Variants in LIMCH1 observed in about 807,000 individuals in gnomAD.
LIMCH1 encodes LIM and calponin homology domains-containing protein 1.
In LIMCH1, 113 loss-of-function variants were observed where a neutral mutation model predicts 176.5. The ratio of observed to expected loss-of-function variants is 0.64; its 90% CI spans 0.55 to 0.75. LIMCH1 has a LOEUF of 0.75. Ranked by LOEUF, LIMCH1 falls within the 30% of genes least tolerant of loss-of-function variation. The pLI, the probability that LIMCH1 is intolerant of heterozygous loss-of-function variation, is 0.00. For missense variants in LIMCH1, 1,674 were observed against 1,814.9 expected (o/e 0.92, Z 1.41); for synonymous variants, 619 against 645.9 (o/e 0.96, Z 0.63).
chr4:41,456,225 T>C (rs2064579296), intron 1 of LIMCH1, among the ~76,000 whole-genome samples: 1 of 152,210 alleles, frequency 6.6e-6, no homozygotes, highest in South Asian at 2.1e-4. Flanking sequence ...AGGTTTATAT[T>C]TCTCACACAG....
chr4:41,363,477 C>T (rs1003106390), intron 1 of LIMCH1, among the ~76,000 whole-genome samples: 10 of 152,034 alleles, frequency 6.6e-5, no homozygotes, highest in African/African-American at 2.2e-4. Context: ...TAAAAATGTT[C>T]CCTTGGGTGG....
intron 1 of LIMCH1, among the ~76,000 whole-genome samples, chr4:41,433,186 C>G (rs1008402403): frequency 6.6e-6 from 1 of 152,174 alleles, no homozygotes; most frequent in Non-Finnish European, 1.5e-5. Flanking sequence ...AGTGAAAAAA[C>G]AAAGCACAAC....
At chr4:41,390,805 C>T (rs1400218163) in intron 1 of LIMCH1, among the ~76,000 whole-genome samples, 1 of 152,144 alleles carries the variant, frequency 6.6e-6, no homozygotes, top group Non-Finnish European at 1.5e-5. Flanking sequence ...CCTTCCTTCT[C>T]AGTGGACTCC....
intron 14 of LIMCH1, among the ~76,000 whole-genome samples, chr4:41,640,460 AG>A (rs1164582142): frequency 6.6e-6 from 1 of 152,208 alleles, no homozygotes; most frequent in African/African-American, 2.4e-5. Flanking sequence ...CCACAGGAAA[AG>A]TTAATGATTT....
chr4:41,491,612 G>A lies in LIMCH1; in HGVS notation c.97-2924G>A, dbSNP rs183807043. Among the ~76,000 whole-genome samples, 1,438 of 146,502 alleles carry A rather than the reference G, an allele frequency of 9.8e-3. 10 individuals carry two copies. Among genetic ancestry groups the A allele is most frequent in the Admixed American group, 0.014 (201 of 14,726 alleles). On this transcript the variant is annotated intron_variant, in intron 1 of 26. Coordinates refer to the LIMCH1 transcript ENST00000313860. ...AGAGACGCTCCTCACTTCCTAGATG[G>A]GGTGGCGATTGGGCAGAGGTGCTCC...
intron 1 of LIMCH1, among the ~76,000 whole-genome samples, chr4:41,471,114 G>T (rs1460058071): frequency 3.3e-5 from 5 of 149,276 alleles, no homozygotes. Context: ...TCTTAAAATA[G>T]TCATGTGAAA....
At chr4:41,484,378 A>C (rs927814842) in intron 1 of LIMCH1, among the ~76,000 whole-genome samples, 1 of 152,250 alleles carries the variant, frequency 6.6e-6, no homozygotes, top group African/African-American at 2.4e-5. Flanking sequence ...GTTGATTTCT[A>C]ATTATGGCTT....
intron 1 of LIMCH1, among the ~76,000 whole-genome samples, chr4:41,544,034 C>G (rs1205211373): frequency 1.3e-5 from 2 of 152,174 alleles, no homozygotes; most frequent in Admixed American, 6.5e-5. Flanking sequence ...CAGCAAATAA[C>G]ATGACAAACT....
chr4:41,472,775 A>G (rs2067167912), intron 1 of LIMCH1, among the ~76,000 whole-genome samples: 1 of 152,190 alleles, frequency 6.6e-6, no homozygotes, highest in Non-Finnish European at 1.5e-5. Flanking sequence ...ATTGGGAAAC[A>G]GTATTTTATC....
intron 1 of LIMCH1, among the ~76,000 whole-genome samples, chr4:41,444,598 A>G (rs1418814667): frequency 6.6e-6 from 1 of 152,148 alleles, no homozygotes; most frequent in Non-Finnish European, 1.5e-5. Context: ...TCAACATATC[A>G]CAGTGGTCTT....
At chr4:41,461,291 G>A (rs1042840656) in intron 1 of LIMCH1, among the ~76,000 whole-genome samples, 4 of 152,138 alleles carry the variant, frequency 2.6e-5, no homozygotes, top group Non-Finnish European at 4.4e-5. Context: ...AATCCATGCC[G>A]TTGGCCATGC....
intron 1 of LIMCH1, among the ~76,000 whole-genome samples, chr4:41,484,262 T>G (rs951154540): frequency 6.6e-6 from 1 of 152,248 alleles, no homozygotes; most frequent in Non-Finnish European, 1.5e-5. Context: ...TTTTATTTTT[T>G]CCCTGGACTG....
At chr4:41,678,851 A>G (rs1208034758) in intron 23 of LIMCH1, among the ~76,000 whole-genome samples, 1 of 152,154 alleles carries the variant, frequency 6.6e-6, no homozygotes, top group East Asian at 1.9e-4. Context: ...AAGCCTAAGA[A>G]GCTTTACTTG....
intron 2 of LIMCH1, among the ~76,000 whole-genome samples, chr4:41,518,767 T>C (rs1193894010): frequency 6.6e-6 from 1 of 152,062 alleles, no homozygotes; most frequent in Non-Finnish European, 1.5e-5. Flanking sequence ...TGGTGTGTGG[T>C]GTTCCCCTCC....
chr4:41,529,399 C>T (rs2077017072), intron 3 of LIMCH1, among the ~76,000 whole-genome samples: 1 of 152,200 alleles, frequency 6.6e-6, no homozygotes. Flanking sequence ...GATTCTGCCC[C>T]TGAGTGCTGA....
chr4:41,533,436 C>G (rs2077538560), upstream of LIMCH1, among the ~76,000 whole-genome samples: 1 of 152,202 alleles, frequency 6.6e-6, no homozygotes, highest in Non-Finnish European at 1.5e-5. Flanking sequence ...GCATAGATCT[C>G]TCATTCTCCT....
At chr4:41,617,088 T>C (rs779117779) in intron 5 of LIMCH1, among the ~76,000 whole-genome samples, 8 of 151,986 alleles carry the variant, frequency 5.3e-5, no homozygotes, top group Non-Finnish European at 1.0e-4. Context: ...TATCTATATC[T>C]ATATATGTGT....
At chr4:41,444,709 C>G (rs2063095285) in intron 1 of LIMCH1, among the ~76,000 whole-genome samples, 1 of 152,198 alleles carries the variant, frequency 6.6e-6, no homozygotes. Flanking sequence ...GAGGGGCAAC[C>G]TAAGTTGGTC....
chr4:41,633,675 G>A lies in LIMCH1; in HGVS notation c.1957G>A (p.Asp653Asn), dbSNP rs750607918. 42 of 1,536,066 alleles carry A rather than the reference G, an allele frequency of 2.7e-5. No individual in the cohort carries two copies. The highest frequency in any genetic ancestry group is 3.7e-5 in the Non-Finnish European group (42 of 1,146,930). Residue 653 changes from aspartate to asparagine, a missense_variant, in exon 13 of 32, where the codon GAC (aspartate) becomes AAC (asparagine). By Grantham distance (23) the Asp-to-Asn change is conservative. Around this residue, in one of 3 missense-constraint regions of LIMCH1, gnomAD observed 1,015 missense variants for 1,102.5 expected, o/e 0.92. Coordinates refer to ENST00000503057, the MANE Select transcript of LIMCH1 (RefSeq NM_001330672.2). ...AAAGTTGGATGATTCACGAAAAGATGACATGATGGCCAGGAGAACTGGGAT... is the reference window on the plus strand; with the variant it reads ...AAAGTTGGATGATTCACGAAAAGATAACATGATGGCCAGGAGAACTGGGAT... ...QRKLDDSRKD[D>N]MMARRTGMSL...
Sources: allele counts gnomAD v4.1 joint callset (sites outside exome capture counted in the v4.1 genomes callset), GRCh38; gene constraint gnomAD v4.1.1; regional missense constraint gnomAD v4.1.1; transcripts MANE v1.5; gene names NCBI Gene and HGNC (gene_info 2026-07-23, HGNC 2026-07-21).